Variants in PROSER1 observed in about 807,000 individuals in gnomAD.
PROSER1 encodes proline and serine-rich protein 1.
In PROSER1, 36 loss-of-function variants were observed where a neutral mutation model predicts 71.8. The observed-to-expected ratio is 0.50, with a 90% CI of 0.38 to 0.66. PROSER1 has a LOEUF of 0.66. Ranked by LOEUF, PROSER1 falls within the 30% of genes least tolerant of loss-of-function variation. PROSER1 has a pLI of 0.00. For missense variants in PROSER1, 1,107 were observed against 1,135.0 expected, an observed-to-expected ratio of 0.98 and a Z score of 0.35; for synonymous variants, 490 against 452.4, an observed-to-expected ratio of 1.08 and a Z score of -1.06.
chr13:39,028,361 G>T, intron 4 of PROSER1, 41 bp from the exon 5 acceptor site: 2 of 1,208,870 alleles, frequency 1.7e-6, no homozygotes, highest in South Asian at 1.2e-5. Context: ...TTAAAAATCT[G>T]AACATACATC....
At chr13:39,022,881 C>T in intron 8 of PROSER1, 171 bp downstream of exon 8, 1 of 520,028 alleles carries the variant, frequency 1.9e-6, no homozygotes, top group East Asian at 2.9e-5. Context: ...AAACTATCTG[C>T]TGCAGTGTTG....
chr13:39,028,090 A>G (rs1056423000), intron 5 of PROSER1, 137 bp downstream of exon 5: 4 of 546,056 alleles, frequency 7.3e-6, no homozygotes, highest in Admixed American at 3.1e-5. Flanking sequence ...CGCAGACCGC[A>G]GGGATGTTCA....
chr13:39,031,130 A>G (rs1870820242), intron 3 of PROSER1, among the ~76,000 whole-genome samples: 1 of 152,232 alleles, frequency 6.6e-6, no homozygotes, highest in Non-Finnish European at 1.5e-5. Context: ...ACAATTAAAT[A>G]AAATTAAATA....
At position 39,017,654 on chromosome 13, in the gene PROSER1, CTA is replaced by C. The variant is rs113485741; in HGVS notation, c.731-112_731-111del. The C allele has an allele frequency of 4.5e-4, 286 of 630,722 alleles. No individual in the cohort carries two copies. The African/African-American group carries it at 4.9e-3, about 11-fold the overall frequency. 39.1% of individuals were successfully genotyped at this position (630,722 alleles called of 1,614,324 possible). On this transcript the variant is annotated intron_variant, in intron 9 of 12. Transcript: ENST00000352251. ...AACACAGGATATAAATATTTATGGA[CTA>C]TGTTAGGAAAAAAATGTACACATAT...
At chr13:39,025,605 A>G (rs992053827) in intron 6 of PROSER1, among the ~76,000 whole-genome samples, 5 of 152,310 alleles carry the variant, frequency 3.3e-5, no homozygotes, top group Middle Eastern at 3.4e-3. Context: ...AACCACCAAC[A>G]CTACCTTGCC....
rs140019835 is a variant in PROSER1, at chr13:39,024,094, CATT to C, written c.564+376_564+378del. 8.7e-3 allele frequency among the ~76,000 whole-genome samples: 1,332 copies of C among 152,276 alleles called. 23 individuals are homozygous for C. The highest frequency in any genetic ancestry group is 0.031 in the African/African-American group (1,282 of 41,556). Reference sequence around the variant, plus strand: ...TCTCCTGTCCTGTTTACATTGCAATCATTATAATCACTATCTTGTAAATACTTT... The same window carrying C: ...TCTCCTGTCCTGTTTACATTGCAATCATAATCACTATCTTGTAAATACTTT... On this transcript the variant is annotated intron_variant, in intron 7 of 12. Coordinates refer to ENST00000352251, the MANE Select transcript of PROSER1 (RefSeq NM_025138.5).
chr13:39,023,166 A>C (rs2138117540), intron 7 of PROSER1, 36 bp from the exon 8 acceptor site: 1 of 1,519,122 alleles, frequency 6.6e-7, no homozygotes, highest in African/African-American at 1.4e-5. Flanking sequence ...GTTAGAAGAA[A>C]ATCAAGTAAG....
At chr13:39,031,166 A>C (rs1809571430) in intron 3 of PROSER1, among the ~76,000 whole-genome samples, 1 of 152,264 alleles carries the variant, frequency 6.6e-6, no homozygotes, top group Admixed American at 6.5e-5. Context: ...GGCACATTCA[A>C]GTGGCTACCA....
At chr13:39,030,295 T>C (rs11838673) in intron 3 of PROSER1, among the ~76,000 whole-genome samples, 52 of 152,340 alleles carry the variant, frequency 3.4e-4, no homozygotes, top group East Asian at 2.5e-3. Flanking sequence ...AAATATTTAT[T>C]ACGTAACTCA....
At chr13:39,023,823 G>A (rs1870414457) in intron 7 of PROSER1, 1 of 152,560 alleles carries the variant, frequency 6.6e-6, no homozygotes, top group African/African-American at 2.4e-5. Context: ...TACCTACAGA[G>A]AGAGCATGTG....
At chr13:39,032,507 C>T (rs1326390743) in intron 2 of PROSER1, among the ~76,000 whole-genome samples, 3 of 152,258 alleles carry the variant, frequency 2.0e-5, no homozygotes, top group African/African-American at 7.2e-5. Flanking sequence ...CCTGAAAATA[C>T]GCTAAGGTTC....
chr13:39,026,298 G>A lies in PROSER1; in HGVS notation c.459C>T (p.Ser153=). The change falls in exon 6 of 13, where the codon AGC becomes AGT. Residue 153 remains serine (S), a synonymous_variant. Transcript: ENST00000352251. ...TTACTGGGAAAATTCCATTTATGCG[G>A]CTAGGTCTTCCTTTGGGATATGGAT... ...PGNPYPKGRP[S]RINGIFPGTP... 1.2e-6 allele frequency: 2 copies of A among 1,611,172 alleles called. No individual in the cohort carries two copies. The highest frequency in any genetic ancestry group is 1.7e-6 in the Non-Finnish European group (2 of 1,178,252).
At chr13:39,022,696 T>C (rs994769554) in intron 8 of PROSER1, 1 of 396,664 alleles carries the variant, frequency 2.5e-6, no homozygotes. Flanking sequence ...ACATTATTTG[T>C]CTTTTCTGCC....
chr13:39,013,421 G>T lies in PROSER1; in HGVS notation c.1831C>A (p.Pro611Thr). Reference sequence around the variant, plus strand: ...AAGGCCGAGGGAGTAGGACTTGTGGGCTCAGTTTTGATCATAACAGGAAGA... The same window carrying T: ...AAGGCCGAGGGAGTAGGACTTGTGGTCTCAGTTTTGATCATAACAGGAAGA... ...TTLPVMIKTE[P>T]TSPTPSAFKG... The change falls in exon 11 of 13, where the codon CCC becomes ACC. Residue 611 changes from proline to threonine, a missense_variant. Coordinates refer to ENST00000352251, the MANE Select transcript of PROSER1 (RefSeq NM_025138.5). The T allele has an allele frequency of 6.2e-7, 1 of 1,614,160 alleles. No homozygotes were observed. The highest frequency in any genetic ancestry group is 8.5e-7 in the Non-Finnish European group (1 of 1,180,034).
chr13:39,033,110 G>A (rs922431850), intron 2 of PROSER1, among the ~76,000 whole-genome samples: 16 of 152,130 alleles, frequency 1.1e-4, no homozygotes, highest in African/African-American at 3.1e-4. Context: ...TGTAGAGATG[G>A]GGTTTTGCCA....
At chr13:39,028,370 T>C (rs1870648268) in intron 4 of PROSER1, 50 bp from the exon 5 acceptor site, 1 of 1,069,610 alleles carries the variant, frequency 9.3e-7, no homozygotes, top group South Asian at 1.3e-5. Context: ...TGAACATACA[T>C]CGAGGTAAGC....
chr13:39,037,479 C>T lies in PROSER1; in HGVS notation c.-237G>A. The T allele has an allele frequency of 2.0e-6, 1 of 504,350 alleles. No homozygotes were observed. The highest frequency in any genetic ancestry group is 3.5e-6 in the Non-Finnish European group (1 of 284,074). The allele number at this position is 504,350 out of a possible 1,614,324, so 31.2% of individuals were successfully genotyped here. Reference sequence around the variant, plus strand: ...AAGAAAAAACACTCCAGTCAGGCTTCCCCAGCTTATTCACACAATGGTTCA... The same window carrying T: ...AAGAAAAAACACTCCAGTCAGGCTTTCCCAGCTTATTCACACAATGGTTCA... On this transcript the variant is annotated 5_prime_UTR_variant, in exon 1 of 13. Transcript: ENST00000352251.
At chr13:39,025,992 A>C (rs1266204610) in intron 6 of PROSER1, among the ~76,000 whole-genome samples, 1 of 152,206 alleles carries the variant, frequency 6.6e-6, no homozygotes, top group Non-Finnish European at 1.5e-5. Flanking sequence ...TGAGATTGTA[A>C]GAATACTGAG....
intron 11 of PROSER1, chr13:39,012,483 C>CAAATACAAATCCAAACA (rs1869711709): frequency 1.6e-6 from 1 of 640,174 alleles, no homozygotes; most frequent in South Asian, 2.1e-5. Flanking sequence ...ATAAAACTAT[C>CAAATACAAATCCAAACA]AAATACAAAT....
Sources: allele counts gnomAD v4.1 joint callset (sites outside exome capture counted in the v4.1 genomes callset), GRCh38; gene constraint gnomAD v4.1.1; transcripts MANE v1.5; gene names NCBI Gene and HGNC (gene_info 2026-07-23, HGNC 2026-07-21).